The following TGM7 variants were observed in gnomAD, a reference collection of about 807,000 sequenced individuals.
The protein encoded by TGM7 is transglutaminase 7.
In TGM7, 74 loss-of-function variants were observed where a neutral mutation model predicts 79.5. That is an observed-to-expected ratio of 0.93 (90% CI 0.77 to 1.13). The LOEUF (loss-of-function observed/expected upper bound fraction) is 1.13, where lower values mean the gene tolerates loss of function less well. Among genes scored for constraint, TGM7 ranks in the 50% most tolerant of loss-of-function variants. The pLI, the probability that TGM7 is intolerant of heterozygous loss-of-function variation, is 0.00. For synonymous variants in TGM7, 354 were observed against 362.5 expected (o/e 0.98, Z 0.27); for missense variants, 912 against 905.9 (o/e 1.01, Z -0.09).
intron 1 of TGM7, 192 bp downstream of exon 1, chr15:43,302,049 T>C (rs2142427054): frequency 1.5e-6 from 1 of 647,326 alleles, no homozygotes; most frequent in Non-Finnish European, 2.7e-6. Flanking sequence ...AGAAAACGAA[T>C]GGCTGTAGGA....
chr15:43,282,138 C>T lies in TGM7; in HGVS notation c.1109-52G>A, dbSNP rs770517409. ...GGGGGCCAGGGGCAGCTGGTTGTGGCTGTGGGAGGTGGAGATGGGATAGGC... is the reference window on the plus strand; with the variant it reads ...GGGGGCCAGGGGCAGCTGGTTGTGGTTGTGGGAGGTGGAGATGGGATAGGC... On this transcript the variant is annotated intron_variant, in intron 8 of 12. Coordinates refer to ENST00000452443, the MANE Select transcript of TGM7 (RefSeq NM_052955.3). 28 of 1,599,854 alleles carry T rather than the reference C, an allele frequency of 1.8e-5. 1 individual carries two copies. In the African/African-American group the frequency reaches 3.2e-4, roughly 18 times the overall value.
intron 2 of TGM7, 127 bp downstream of exon 2, chr15:43,293,322 T>A (rs538238): frequency 8.0e-6 from 10 of 1,242,420 alleles, no homozygotes; most frequent in Middle Eastern, 2.6e-4. Context: ...GCATGAGGGG[T>A]CTGGGGCTCC....
At position 43,282,651 on chromosome 15, in the gene TGM7, A is replaced by G. The variant is rs370536639; in HGVS notation, c.1005-31T>C. On this transcript the variant is annotated intron_variant, in intron 7 of 12. Coordinates refer to ENST00000452443, the MANE Select transcript of TGM7 (RefSeq NM_052955.3). ...GGAGGGAGTAAGGAGACAAGGATTC[A>G]TGTTAGCTGAGGTTTTGCCAGGTAC... 6.3e-4 allele frequency: 977 copies of G among 1,549,606 alleles called. 11 individuals are homozygous for G. Among genetic ancestry groups the G allele is most frequent in the Middle Eastern group, 1.3e-3 (8 of 5,966 alleles).
chr15:43,279,192 C>T lies in TGM7; in HGVS notation c.1764G>A (p.Ala588=), dbSNP rs567357. 5.9e-5 allele frequency: 95 copies of T among 1,613,738 alleles called. No homozygotes were observed. Among genetic ancestry groups the T allele is most frequent in the Admixed American group, 1.0e-4 (6 of 59,948 alleles). ...DEKLIRVSGI[A]EVEETGRSML... ...TGGACCTCCCTGTCTCTTCAACCTCCGCGATGCCAGACACGCGGATGAGCT... is the reference window on the plus strand; with the variant it reads ...TGGACCTCCCTGTCTCTTCAACCTCTGCGATGCCAGACACGCGGATGAGCT... Residue 588 remains alanine, a synonymous_variant, in exon 11 of 13, where the codon GCG becomes GCA. Transcript: ENST00000452443.
chr15:43,282,743 A>G (rs2142405530), intron 7 of TGM7, 123 bp from the exon 8 acceptor site: 3 of 807,416 alleles, frequency 3.7e-6, no homozygotes, highest in East Asian at 2.8e-5. Flanking sequence ...AAGTAATTTC[A>G]TACTAAAAGT....
At chr15:43,281,308 C>T (rs2042907437) in intron 9 of TGM7, among the ~76,000 whole-genome samples, 2 of 152,240 alleles carry the variant, frequency 1.3e-5, no homozygotes, top group Non-Finnish European at 2.9e-5. Flanking sequence ...ATGCGCCCTC[C>T]GTGGGGGTGT....
intron 1 of TGM7, among the ~76,000 whole-genome samples, chr15:43,300,468 T>C (rs1416670019): frequency 1.3e-5 from 2 of 152,210 alleles, no homozygotes; most frequent in Non-Finnish European, 2.9e-5. Flanking sequence ...TTTCAAATTT[T>C]TTTTCCAAGT....
intron 6 of TGM7, among the ~76,000 whole-genome samples, chr15:43,286,951 G>A (rs570192858): frequency 6.6e-6 from 1 of 152,290 alleles, no homozygotes; most frequent in Admixed American, 6.5e-5. Flanking sequence ...CCCATGCCAG[G>A]CTCACCCTGA....
Position 43,287,550 on chromosome 15 carries a change from C to T in TGM7, c.678G>A (p.Val226=), listed in dbSNP as rs951501250. 2 of 1,613,678 alleles carry T rather than the reference C, an allele frequency of 1.2e-6. No individual in the cohort carries two copies. Among genetic ancestry groups the T allele is most frequent in the Non-Finnish European group, 1.7e-6 (2 of 1,179,818 alleles). The change falls in exon 5 of 13, where the codon GTG becomes GTA. Residue 226 remains valine (V), a synonymous_variant. Transcript: ENST00000452443. ...AAGCATCCATCCTTACCATGGCACTCACCACCCTGCACACATACACCACGT... is the reference window on the plus strand; with the variant it reads ...AAGCATCCATCCTTACCATGGCACTTACCACCCTGCACACATACACCACGT... ...RNDVVYVCRV[V]SAMINSNDDN...
intron 3 of TGM7, 71 bp from the exon 4 acceptor site, chr15:43,292,168 G>A (rs1433090334): frequency 3.7e-6 from 4 of 1,069,866 alleles, no homozygotes; most frequent in African/African-American, 1.6e-5. Context: ...TTAAAAAACA[G>A]TAACGACAAC....
In TGM7 at chr15:43,281,829, A is replaced by C. The variant is rs1446709939; in HGVS notation, c.1351+15T>G. The stretch of plus-strand genomic sequence containing the variant: ...AAGCTTAAAGCAGCCCTTTCCCCAA[A>C]TACCCGCCCAGCACCTTCTGGGTAC... On this transcript the variant is annotated intron_variant, in intron 9 of 12. Coordinates refer to ENST00000452443, the MANE Select transcript of TGM7 (RefSeq NM_052955.3). 1 of 1,610,140 alleles carries C rather than the reference A, an allele frequency of 6.2e-7. No individual in the cohort carries two copies. The highest frequency in any genetic ancestry group is 1.1e-5 in the South Asian group (1 of 91,042).
chr15:43,276,648 G>T, intron 12 of TGM7, 34 bp from the exon 13 acceptor site: 1 of 1,598,368 alleles, frequency 6.3e-7, no homozygotes, highest in Non-Finnish European at 8.5e-7. Context: ...AGAGCCTCGA[G>T]GACTTCCTGC....
intron 7 of TGM7, among the ~76,000 whole-genome samples, chr15:43,283,583 TTATC>T (rs1193359011): frequency 1.3e-5 from 2 of 152,230 alleles, no homozygotes; most frequent in African/African-American, 2.4e-5. Context: ...TTTATGTTAT[TTATC>T]TATTTTTTAA....
intron 7 of TGM7, among the ~76,000 whole-genome samples, chr15:43,284,174 G>A (rs2042923311): frequency 6.6e-6 from 1 of 152,152 alleles, no homozygotes. Context: ...ACTCCAGCCT[G>A]GGCAACAGAG....
chr15:43,292,469 G>A (rs924977589), intron 3 of TGM7, among the ~76,000 whole-genome samples: 1 of 152,164 alleles, frequency 6.6e-6, no homozygotes, highest in Non-Finnish European at 1.5e-5. Flanking sequence ...CTCTCTTTCT[G>A]TGCATACTTA....
Position 43,297,523 on chromosome 15 carries a change from GAAAGAAAGAAAGAAAGAGAA to G in TGM7, c.11-3912_11-3893del, listed in dbSNP as rs1265093637. ...AGAAAGAAAGAAGGAAGGAAGGAAG[GAAAGAAAGAAAGAAAGAGAA>G]AAAGAAAGAAAGAAAGGGACATTGA... On this transcript the variant is annotated intron_variant, in intron 1 of 12. Coordinates refer to ENST00000452443, the MANE Select transcript of TGM7 (RefSeq NM_052955.3). Among the ~76,000 whole-genome samples the G allele has an allele frequency of 6.9e-4, 34 of 49,272 alleles. 1 individual carries two copies. Among genetic ancestry groups the G allele is most frequent in the Non-Finnish European group, 6.5e-5 (2 of 30,792 alleles). The allele number at this position is 49,272 out of a possible 152,430, so 32.3% of individuals were successfully genotyped here.
intron 11 of TGM7, among the ~76,000 whole-genome samples, 173 bp downstream of exon 11, chr15:43,278,944 C>G (rs370590472): frequency 6.6e-6 from 1 of 152,338 alleles, no homozygotes; most frequent in South Asian, 2.1e-4. Context: ...CTTTGAGAAG[C>G]CTTCATGCCC....
intron 6 of TGM7, 125 bp downstream of exon 6, chr15:43,287,155 G>C: frequency 8.9e-7 from 1 of 1,118,460 alleles, no homozygotes; most frequent in Non-Finnish European, 1.3e-6. Flanking sequence ...TGCTAGCTCA[G>C]GGCCTGGGTG....
intron 6 of TGM7, among the ~76,000 whole-genome samples, chr15:43,285,599 T>G (rs2042931579): frequency 6.6e-6 from 1 of 152,034 alleles, no homozygotes; most frequent in East Asian, 1.9e-4. Flanking sequence ...GTAATTCTAC[T>G]TAAAGACAAG....
Sources: allele counts gnomAD v4.1 joint callset (sites outside exome capture counted in the v4.1 genomes callset), GRCh38; gene constraint gnomAD v4.1.1; transcripts MANE v1.5; gene names NCBI Gene and HGNC (gene_info 2026-07-23, HGNC 2026-07-21).